The following KCNB2 variants were observed in gnomAD, a reference collection of about 807,000 sequenced individuals.
The protein encoded by KCNB2 is delayed rectifier potassium channel protein.
In KCNB2, 15 loss-of-function variants were observed where a neutral mutation model predicts 61.5. That is an observed-to-expected ratio of 0.24 (90% CI 0.16 to 0.38). KCNB2 has a LOEUF of 0.38. Ranked by LOEUF, KCNB2 falls within the 10% of genes least tolerant of loss-of-function variation. KCNB2 has a pLI of 1.00. For missense variants in KCNB2, 828 were observed against 1,125.2 expected (o/e 0.74, Z 3.78); for synonymous variants, 457 against 446.0 (o/e 1.02, Z -0.31).
chr8:72,550,225 T>A (rs1325546937), intron 1 of KCNB2, among the ~76,000 whole-genome samples: 3 of 152,252 alleles, frequency 2.0e-5, no homozygotes, highest in Non-Finnish European at 4.4e-5. Flanking sequence ...CCCATTATGT[T>A]TTTTTCTGAA....
intron 2 of KCNB2, among the ~76,000 whole-genome samples, chr8:72,636,426 G>A (rs987601137): frequency 5.9e-5 from 9 of 152,220 alleles, no homozygotes; most frequent in African/African-American, 1.9e-4. Context: ...ATTATGGAAA[G>A]GATACAATTT....
At chr8:72,904,689 AG>A (rs1425928227) in intron 2 of KCNB2, among the ~76,000 whole-genome samples, 1 of 152,078 alleles carries the variant, frequency 6.6e-6, no homozygotes, top group Non-Finnish European at 1.5e-5. Context: ...TTTAAGTTTT[AG>A]GGTACATGTG....
chr8:72,666,569 G>A, intron 2 of KCNB2, among the ~76,000 whole-genome samples: 1 of 151,978 alleles, frequency 6.6e-6, no homozygotes, highest in East Asian at 1.9e-4. Flanking sequence ...GCAGTATTCT[G>A]TGGTGCTGTT....
intron 2 of KCNB2, among the ~76,000 whole-genome samples, chr8:72,906,196 A>G (rs976514401): frequency 1.9e-4 from 29 of 152,336 alleles, no homozygotes; most frequent in Non-Finnish European, 4.3e-4. Flanking sequence ...AGTGAGACCC[A>G]GGCCTTGTGC....
At chr8:72,578,225 C>A (rs1482720180) in intron 2 of KCNB2, among the ~76,000 whole-genome samples, 1 of 152,126 alleles carries the variant, frequency 6.6e-6, no homozygotes, top group Non-Finnish European at 1.5e-5. Context: ...TACATAATAT[C>A]CCTGTGGTGA....
At chr8:72,540,084 T>A (rs1806168316) in intron 1 of KCNB2, among the ~76,000 whole-genome samples, 1 of 152,184 alleles carries the variant, frequency 6.6e-6, no homozygotes, top group African/African-American at 2.4e-5. Flanking sequence ...TGAAAAATAT[T>A]TTTTCTTGAA....
intron 2 of KCNB2, among the ~76,000 whole-genome samples, chr8:72,784,391 A>G (rs1808813736): frequency 6.6e-6 from 1 of 151,974 alleles, no homozygotes; most frequent in Admixed American, 6.6e-5. Flanking sequence ...TCTTATCACA[A>G]TGTTGTATCA....
At chr8:72,774,404 G>T (rs1266102074) in intron 2 of KCNB2, among the ~76,000 whole-genome samples, 2 of 152,182 alleles carry the variant, frequency 1.3e-5, no homozygotes, top group African/African-American at 4.8e-5. Flanking sequence ...AGGCTGGAGT[G>T]CAGTGGCGCA....
At chr8:72,756,268 C>G (rs1437629145) in intron 2 of KCNB2, among the ~76,000 whole-genome samples, 4 of 152,194 alleles carry the variant, frequency 2.6e-5, no homozygotes, top group Admixed American at 2.0e-4. Flanking sequence ...CATTGCTGCT[C>G]TATCCCTCCC....
At chr8:72,847,991 A>T (rs13262194) in intron 2 of KCNB2, among the ~76,000 whole-genome samples, 5 of 152,052 alleles carry the variant, frequency 3.3e-5, no homozygotes, top group Non-Finnish European at 7.3e-5. Context: ...TTCTCCTCAC[A>T]GTAGATCACA....
At chr8:72,909,422 G>A (rs919165717) in intron 2 of KCNB2, among the ~76,000 whole-genome samples, 10 of 152,120 alleles carry the variant, frequency 6.6e-5, no homozygotes, top group Non-Finnish European at 1.3e-4. Context: ...GTGGAGGAGA[G>A]GAGCGGCAGG....
intron 2 of KCNB2, among the ~76,000 whole-genome samples, chr8:72,865,606 C>T (rs1327278962): frequency 1.3e-5 from 2 of 152,278 alleles, no homozygotes; most frequent in Non-Finnish European, 2.9e-5. Context: ...ACCCCTCCTT[C>T]GTTGCTTACA....
At chr8:72,917,550 G>A (rs1453440910) in intron 2 of KCNB2, among the ~76,000 whole-genome samples, 1 of 152,138 alleles carries the variant, frequency 6.6e-6, no homozygotes, top group Non-Finnish European at 1.5e-5. Flanking sequence ...ATTGGCAATT[G>A]TATGTGACAT....
intron 2 of KCNB2, among the ~76,000 whole-genome samples, chr8:72,656,193 A>G (rs916607413): frequency 1.3e-5 from 2 of 152,172 alleles, no homozygotes; most frequent in Admixed American, 6.6e-5. Flanking sequence ...AGGAAAATTG[A>G]CATCTCCCTT....
intron 2 of KCNB2, among the ~76,000 whole-genome samples, chr8:72,640,072 T>C (rs1376688763): frequency 6.6e-6 from 1 of 151,730 alleles, no homozygotes; most frequent in African/African-American, 2.4e-5. Context: ...TAGCCCAAGA[T>C]GGTATGGGGT....
rs141914143 is a variant in KCNB2 at position 72,634,222 on chromosome 8, G to C, written c.579+65909G>C. Among the ~76,000 whole-genome samples the C allele has an allele frequency of 1.3e-3, 192 of 152,308 alleles. 1 individual carries two copies. The highest frequency in any genetic ancestry group is 2.5e-3 in the Non-Finnish European group (170 of 68,024). On this transcript the variant is annotated intron_variant, in intron 2 of 2. Transcript: ENST00000523207. ...ATGCTAGATAGCTAATAACTAAAGG[G>C]AAATTCCAGCAAAGTGGAAGGGGAA...
intron 2 of KCNB2, among the ~76,000 whole-genome samples, chr8:72,894,636 T>C (rs1805957230): frequency 6.6e-6 from 1 of 152,108 alleles, no homozygotes; most frequent in Non-Finnish European, 1.5e-5. Flanking sequence ...CCAAGGCCTC[T>C]CTTGTGAGGT....
chr8:72,847,078 G>A (rs531552499), intron 2 of KCNB2, among the ~76,000 whole-genome samples: 32 of 152,144 alleles, frequency 2.1e-4, no homozygotes, highest in Non-Finnish European at 3.8e-4. Flanking sequence ...TATGCACTCA[G>A]TTGGAAATGC....
intron 2 of KCNB2, among the ~76,000 whole-genome samples, chr8:72,645,409 G>A (rs575474850): frequency 2.6e-5 from 4 of 152,046 alleles, no homozygotes; most frequent in African/African-American, 9.7e-5. Context: ...TTTTATGCTC[G>A]CAAGTGCATC....
Sources: gnomAD v4.1 joint callset for allele counts (sites outside exome capture counted in the v4.1 genomes callset) on GRCh38, gnomAD v4.1.1 for gene constraint, MANE v1.5 for transcripts, NCBI Gene and HGNC (gene_info 2026-07-23, HGNC 2026-07-21) for gene names.